RC3H1: variants seen among roughly 807,000 people sequenced by gnomAD.
RC3H1 encodes the protein roquin-1.
A neutral mutation model predicts 138.2 loss-of-function variants in RC3H1; 50 were observed. The observed-to-expected ratio is 0.36, with a 90% CI of 0.29 to 0.46. The LOEUF (loss-of-function observed/expected upper bound fraction) is 0.46. RC3H1 is among the 20% of genes least tolerant of loss of function. The pLI, the probability that RC3H1 is intolerant of heterozygous loss-of-function variation, is 1.00. For synonymous variants in RC3H1, 462 were observed against 489.1 expected (o/e 0.94, Z 0.73); for missense variants, 1,031 against 1,388.1 (o/e 0.74, Z 4.09).
intron 1 of RC3H1, among the ~76,000 whole-genome samples, chr1:174,010,630 T>C (rs1661733629): frequency 6.6e-6 from 1 of 151,932 alleles, no homozygotes; most frequent in Admixed American, 6.6e-5. Flanking sequence ...CCCAGGCTGG[T>C]TGCAAACTCC....
intron 1 of RC3H1, among the ~76,000 whole-genome samples, chr1:174,011,060 C>T (rs6661182): frequency 0.29 from 43,936 of 152,012 alleles, 11,372 homozygotes; most frequent in African/African-American, 0.7. Context: ...TACTCATATG[C>T]ATTTAAAGAT....
intron 4 of RC3H1, chr1:173,983,147 A>C (rs1405460290): frequency 4.1e-6 from 2 of 482,682 alleles, no homozygotes; most frequent in Non-Finnish European, 7.1e-6. Context: ...AAAATGAATG[A>C]ACTTCCTGCT....
rs1659986109 is a variant in RC3H1, at chr1:173,963,953, T to C, written c.1831+20A>G. Reference sequence around the variant, plus strand: ...GATAATTCCTAAGAAAAGTTAGCAATATAAATTTAAAATCGTTACCCTGCT... The same window carrying C: ...GATAATTCCTAAGAAAAGTTAGCAACATAAATTTAAAATCGTTACCCTGCT... On this transcript the variant is annotated intron_variant, in intron 11 of 19. Coordinates refer to ENST00000367696, the MANE Select transcript of RC3H1 (RefSeq NM_172071.4). 1.9e-6 allele frequency: 3 copies of C among 1,603,074 alleles called. No individual in the cohort carries two copies. The highest frequency in any genetic ancestry group is 3.6e-4 in the Middle Eastern group (2 of 5,480).
At chr1:173,988,991 T>G (rs945756700) in intron 2 of RC3H1, among the ~76,000 whole-genome samples, 1 of 152,162 alleles carries the variant, frequency 6.6e-6, no homozygotes, top group Non-Finnish European at 1.5e-5. Context: ...ATTCTGTAGG[T>G]TGTTCTTTTT....
intron 1 of RC3H1, among the ~76,000 whole-genome samples, chr1:174,002,588 T>C (rs1046512088): frequency 6.6e-6 from 1 of 152,204 alleles, no homozygotes; most frequent in Non-Finnish European, 1.5e-5. Flanking sequence ...CATTCAATCC[T>C]TGTCCCTGTT....
intron 14 of RC3H1, among the ~76,000 whole-genome samples, chr1:173,949,414 G>C (rs1049106948): frequency 1.3e-5 from 2 of 151,362 alleles, no homozygotes; most frequent in African/African-American, 4.9e-5. Flanking sequence ...TGTTGTCTAG[G>C]CTGGAGTGCA....
At chr1:174,000,821 T>C (rs1048650653) in intron 1 of RC3H1, among the ~76,000 whole-genome samples, 2 of 152,190 alleles carry the variant, frequency 1.3e-5, no homozygotes, top group African/African-American at 4.8e-5. Context: ...ACACTTAATT[T>C]TTTAATCCTC....
chr1:174,002,686 CTTCT>C (rs1661583225), intron 1 of RC3H1, among the ~76,000 whole-genome samples: 2 of 152,114 alleles, frequency 1.3e-5, no homozygotes, highest in South Asian at 2.1e-4. Flanking sequence ...TCTTATTTTA[CTTCT>C]TTCTATATAG....
In RC3H1 at chr1:173,946,608, C is replaced by T; in HGVS notation, c.2829G>A (p.Arg943=). 1 of 1,613,548 alleles carries T rather than the reference C, an allele frequency of 6.2e-7. No individual in the cohort carries two copies. The highest frequency in any genetic ancestry group is 2.2e-5 in the East Asian group (1 of 44,872). The change falls in exon 17 of 20, where the codon AGG becomes AGA. Residue 943 remains arginine (R), a splice_region_variant and synonymous_variant. Coordinates refer to ENST00000367696, the MANE Select transcript of RC3H1 (RefSeq NM_172071.4). ...NIPSQGHFSE[R]ERISMSEVAS... ...CCACTTCTGACATAGATATTCTCTC[C>T]CTTTGGTTAGAAAGAAAGTGTGAAT...
intron 1 of RC3H1, among the ~76,000 whole-genome samples, chr1:174,003,185 G>C (rs541468466): frequency 6.6e-6 from 1 of 151,996 alleles, no homozygotes; most frequent in Non-Finnish European, 1.5e-5. Context: ...TCAGGAGTTC[G>C]AGACCAGCCT....
In RC3H1 at chr1:173,992,905, C is replaced by T; in HGVS notation, c.81G>A (p.Lys27=). The change falls in exon 2 of 20, where the codon AAG becomes AAA. Residue 27 remains lysine (K), a synonymous_variant. Transcript: ENST00000367696. Reference sequence around the variant, plus strand: ...TATGGCCACAACCCAAACTGATGGGCTTTCGAATTGTTTCGTCGAAAGTCT... The same window carrying T: ...TATGGCCACAACCCAAACTGATGGGTTTTCGAATTGTTTCGTCGAAAGTCT... The part of the protein sequence containing the change: ...CTQTFDETIR[K]PISLGCGHTV... 2 of 1,614,080 alleles carry T rather than the reference C, an allele frequency of 1.2e-6. No individual in the cohort carries two copies. The highest frequency in any genetic ancestry group is 1.7e-6 in the Non-Finnish European group (2 of 1,180,014).
intron 13 of RC3H1, among the ~76,000 whole-genome samples, chr1:173,959,062 A>G (rs1571189880): frequency 2.0e-5 from 3 of 152,164 alleles, no homozygotes; most frequent in East Asian, 3.8e-4. Flanking sequence ...CAAAGATTAG[A>G]AAGGAGTCAA....
At position 173,932,823 on chromosome 1, in the gene RC3H1, T is replaced by C. The variant is rs1028202336; in HGVS notation, c.*5898A>G. 1 of 152,018 alleles carries C rather than the reference T, an allele frequency of 6.6e-6. No homozygotes were observed. Among genetic ancestry groups the C allele is most frequent in the Non-Finnish European group, 1.5e-5 (1 of 67,966 alleles). 9.4% of individuals were successfully genotyped at this position (152,018 alleles called of 1,614,324 possible). A position where few individuals can be genotyped will look rare whatever the true frequency, so the allele number is the denominator to read the frequency against. ...AGGCAAATAATAATAATAATAATAA[T>C]AGAGCAACCAATTATTCACCCAATA... On this transcript the variant is annotated 3_prime_UTR_variant, in exon 20 of 20. Transcript: ENST00000367696.
intron 7 of RC3H1, among the ~76,000 whole-genome samples, chr1:173,976,646 G>C (rs1660600454): frequency 6.6e-6 from 1 of 152,116 alleles, no homozygotes; most frequent in Non-Finnish European, 1.5e-5. Context: ...AGGTAGATGA[G>C]AAATGGGGTC....
intron 6 of RC3H1, among the ~76,000 whole-genome samples, chr1:173,979,085 T>C: frequency 6.6e-6 from 1 of 152,224 alleles, no homozygotes; most frequent in Middle Eastern, 3.2e-3. Context: ...GTTGCAAAAG[T>C]CACATTTCAA....
intron 13 of RC3H1, among the ~76,000 whole-genome samples, chr1:173,954,056 A>ATAC (rs1275552259): frequency 1.3e-5 from 2 of 152,058 alleles, no homozygotes; most frequent in African/African-American, 4.8e-5. Context: ...AATAATAATA[A>ATAC]TAATACAGAG....
At chr1:173,952,655 T>C (rs573043635) in intron 13 of RC3H1, among the ~76,000 whole-genome samples, 1 of 152,262 alleles carries the variant, frequency 6.6e-6, no homozygotes, top group South Asian at 2.1e-4. Flanking sequence ...ATAGCAATAA[T>C]TCATATCTTG....
Position 173,972,590 on chromosome 1 carries a change from C to T in RC3H1, c.1140G>A (p.Gly380=). The T allele has an allele frequency of 6.2e-7, 1 of 1,613,984 alleles. No homozygotes were observed. Among genetic ancestry groups the T allele is most frequent in the Non-Finnish European group, 8.5e-7 (1 of 1,179,886 alleles). Residue 380 remains glycine (G), a synonymous_variant, in exon 8 of 20, where the codon GGG becomes GGA. Transcript: ENST00000367696. ...PPPTWEQLEN[G]LVAVRTVVHG... ...GTACCACTGTACGCACAGCAACCAG[C>T]CCATTTTCCAGCTGTTCCCAAGTAG...
At chr1:173,981,668 T>C (rs1489913344) in intron 5 of RC3H1, among the ~76,000 whole-genome samples, 1 of 152,164 alleles carries the variant, frequency 6.6e-6, no homozygotes, top group Non-Finnish European at 1.5e-5. Context: ...CAGATGCTGG[T>C]GTAATTCTAA....
Sources: allele counts gnomAD v4.1 joint callset (sites outside exome capture counted in the v4.1 genomes callset), GRCh38; gene constraint gnomAD v4.1.1; transcripts MANE v1.5; gene names NCBI Gene and HGNC (gene_info 2026-07-23, HGNC 2026-07-21).